PCDH15: variants seen among roughly 807,000 people sequenced by gnomAD.
PCDH15 encodes protocadherin related 15, also known as protocadherin-15.
In PCDH15, 129 loss-of-function variants were observed where a neutral mutation model predicts 178.5. The ratio of observed to expected loss-of-function variants is 0.72; its 90% CI spans 0.63 to 0.84. The LOEUF is 0.84. Ranked by LOEUF, PCDH15 falls within the 40% of genes least tolerant of loss-of-function variation. The probability of loss-of-function intolerance (pLI) is 0.00; values close to 1 mark genes in which losing one functional copy is unlikely to be tolerated. For missense variants in PCDH15, 2,230 were observed against 2,099.9 expected (o/e 1.06, Z -1.21); for synonymous variants, 800 against 732.0 (o/e 1.09, Z -1.50).
At chr10:55,223,491 G>T (rs946324838) in intron 1 of PCDH15, among the ~76,000 whole-genome samples, 1 of 152,098 alleles carries the variant, frequency 6.6e-6, no homozygotes, top group Non-Finnish European at 1.5e-5. Context: ...TATATTGAAA[G>T]AGTTGTAAGA....
chr10:54,937,378 G>A (rs912276925), intron 2 of PCDH15, among the ~76,000 whole-genome samples: 8 of 151,946 alleles, frequency 5.3e-5, no homozygotes, highest in Non-Finnish European at 7.4e-5. Context: ...GATAGGGATT[G>A]CACTGAAATC....
chr10:54,484,574 A>C (rs940399761), intron 3 of PCDH15, among the ~76,000 whole-genome samples: 2 of 151,958 alleles, frequency 1.3e-5, no homozygotes, highest in Non-Finnish European at 2.9e-5. Context: ...ATAGGAGTGA[A>C]TAGTAGCTAT....
intron 2 of PCDH15, among the ~76,000 whole-genome samples, chr10:54,577,890 A>G (rs1272465534): frequency 2.2e-5 from 3 of 139,124 alleles, no homozygotes; most frequent in African/African-American, 7.9e-5. Flanking sequence ...AAATAAATAA[A>G]TAAATATTCC....
rs559083437 is a variant in PCDH15 at position 53,945,811 on chromosome 10, T to C, written c.3123-4836A>G. On this transcript the variant is annotated intron_variant, in intron 23 of 37. Transcript: ENST00000644397. ...GTCCCAAATAAAAGAATTCCCTTCATTTTTAAGGCTGAGTAATATTTCATT... is the reference window on the plus strand; with the variant it reads ...GTCCCAAATAAAAGAATTCCCTTCACTTTTAAGGCTGAGTAATATTTCATT... Among the ~76,000 whole-genome samples, 13 of 146,334 alleles carry C rather than the reference T, an allele frequency of 8.9e-5. No homozygotes were observed. In the East Asian group the frequency reaches 2.6e-3, roughly 29 times the overall value.
intron 2 of PCDH15, among the ~76,000 whole-genome samples, chr10:55,412,879 T>TCACACACACA (rs71014485): frequency 2.5e-4 from 34 of 134,824 alleles, no homozygotes; most frequent in African/African-American, 7.8e-4. Flanking sequence ...TCAACAATAA[T>TCACACACACA]CACACACACA....
chr10:54,410,108 T>C (rs1012001858), intron 3 of PCDH15, among the ~76,000 whole-genome samples: 2 of 152,166 alleles, frequency 1.3e-5, no homozygotes, highest in African/African-American at 4.8e-5. Context: ...TCAATTAAAA[T>C]AGAATCTAGA....
At chr10:54,974,765 C>T (rs1174483871) in intron 2 of PCDH15, among the ~76,000 whole-genome samples, 1 of 152,052 alleles carries the variant, frequency 6.6e-6, no homozygotes, top group Non-Finnish European at 1.5e-5. Context: ...TTGCCCTTAC[C>T]ATGTAATGTG....
chr10:53,988,455 G>A (rs1390321850), intron 21 of PCDH15, among the ~76,000 whole-genome samples: 2 of 152,122 alleles, frequency 1.3e-5, no homozygotes, highest in East Asian at 3.9e-4. Flanking sequence ...AGTGACCTCA[G>A]GCTGTGACAC....
intron 9 of PCDH15, among the ~76,000 whole-genome samples, chr10:54,235,170 A>G (rs1310017835): frequency 6.6e-6 from 1 of 152,180 alleles, no homozygotes; most frequent in Non-Finnish European, 1.5e-5. Flanking sequence ...TGCAACTTCT[A>G]CTACAATCCT....
intron 3 of PCDH15, among the ~76,000 whole-genome samples, chr10:54,406,452 T>C (rs1314925333): frequency 6.6e-6 from 1 of 152,114 alleles, no homozygotes; most frequent in East Asian, 1.9e-4. Context: ...GTCTGTCACT[T>C]TTTGCCCCTC....
At chr10:54,900,792 T>C (rs2131825137) in intron 2 of PCDH15, among the ~76,000 whole-genome samples, 1 of 152,296 alleles carries the variant, frequency 6.6e-6, no homozygotes. Context: ...TCAGTTTCAA[T>C]GTAGTAAACT....
intron 11 of PCDH15, among the ~76,000 whole-genome samples, chr10:54,191,532 A>T (rs1437765502): frequency 1.3e-5 from 2 of 152,188 alleles, no homozygotes; most frequent in Non-Finnish European, 2.9e-5. Context: ...TCCAAAACTC[A>T]GGCCACAAAA....
In PCDH15 at chr10:54,735,752, A is replaced by G. The variant is rs1944020206; in HGVS notation, c.-29+65173T>C. The stretch of plus-strand genomic sequence containing the variant: ...GAAATTGGAAATCATCATTCTCAGT[A>G]AACTATCGCAAGAACAAAAAACCAA... On this transcript the variant is annotated intron_variant, in intron 1 of 37. Coordinates refer to ENST00000644397, the MANE Select transcript of PCDH15 (RefSeq NM_001384140.1). 2.6e-5 allele frequency among the ~76,000 whole-genome samples: 3 copies of G among 115,958 alleles called. No homozygotes were observed. The South Asian group carries it at 9.3e-4, about 36-fold the overall frequency. 76.1% of individuals were successfully genotyped at this position (115,958 alleles called of 152,430 possible).
At chr10:54,179,927 TCTGTATC>T (rs1324554477) in intron 13 of PCDH15, among the ~76,000 whole-genome samples, 2 of 152,212 alleles carry the variant, frequency 1.3e-5, no homozygotes, top group Non-Finnish European at 2.9e-5. Flanking sequence ...AATATTAAAA[TCTGTATC>T]CTGTATAGGG....
At chr10:54,600,246 CA>C (rs1247296604) in intron 2 of PCDH15, 1 of 566,524 alleles carries the variant, frequency 1.8e-6, no homozygotes, top group African/African-American at 1.9e-5. Context: ...GCCACAGCAA[CA>C]GGAGAAAGAG....
At chr10:54,992,136 G>A (rs1273562744) in intron 2 of PCDH15, among the ~76,000 whole-genome samples, 1 of 151,986 alleles carries the variant, frequency 6.6e-6, no homozygotes, top group Non-Finnish European at 1.5e-5. Context: ...TAAACCTCTT[G>A]AAGGAAAATG....
chr10:55,505,163 T>C (rs1243747421), intron 2 of PCDH15, among the ~76,000 whole-genome samples: 1 of 151,350 alleles, frequency 6.6e-6, no homozygotes, highest in Non-Finnish European at 1.5e-5. Context: ...TATACAAAAA[T>C]CTATACTGCA....
intron 8 of PCDH15, among the ~76,000 whole-genome samples, chr10:54,245,659 C>T (rs577038278): frequency 6.6e-6 from 1 of 151,900 alleles, no homozygotes; most frequent in South Asian, 2.1e-4. Context: ...TTAAAACAAT[C>T]CCAAAAATTG....
intron 5 of PCDH15, among the ~76,000 whole-genome samples, chr10:54,351,460 G>C (rs1456657726): frequency 6.6e-6 from 1 of 152,028 alleles, no homozygotes; most frequent in Non-Finnish European, 1.5e-5. Flanking sequence ...ATATTTCATA[G>C]CATCAATTGT....
Sources: gnomAD v4.1 joint callset for allele counts (sites outside exome capture counted in the v4.1 genomes callset) on GRCh38, gnomAD v4.1.1 for gene constraint, MANE v1.5 for transcripts, NCBI Gene and HGNC (gene_info 2026-07-23, HGNC 2026-07-21) for gene names.